Variants in PLCB1 observed in about 807,000 individuals in gnomAD.
PLCB1 encodes phospholipase C beta 1, also known as 1-phosphatidylinositol 4,5-bisphosphate phosphodiesterase beta-1.
A neutral mutation model predicts 161.8 loss-of-function variants in PLCB1; 46 were observed. That is an observed-to-expected ratio of 0.28 (90% CI 0.22 to 0.36). The LOEUF is 0.36. Ranked by LOEUF, PLCB1 falls within the 10% of genes least tolerant of loss-of-function variation. The pLI is 1.00. For synonymous variants in PLCB1, 517 were observed against 503.7 expected (o/e 1.03, Z -0.35); for missense variants, 1,016 against 1,472.5 (o/e 0.69, Z 5.07).
intron 24 of PLCB1, 79 bp from the exon 25 acceptor site, chr20:8,760,328 C>A (rs1981953260): frequency 2.5e-6 from 2 of 812,638 alleles, no homozygotes; most frequent in Non-Finnish European, 4.1e-6. Flanking sequence ...ATTCAAGGCC[C>A]AAATATGTTT....
chr20:8,397,528 C>A (rs1300894911), intron 3 of PLCB1, among the ~76,000 whole-genome samples: 1 of 152,094 alleles, frequency 6.6e-6, no homozygotes, highest in Non-Finnish European at 1.5e-5. Context: ...TTCCTACCCA[C>A]CTTCTGGTTT....
intron 2 of PLCB1, among the ~76,000 whole-genome samples, chr20:8,182,817 G>A (rs911406102): frequency 6.6e-6 from 1 of 151,942 alleles, no homozygotes; most frequent in East Asian, 1.9e-4. Flanking sequence ...TTAACCTGAA[G>A]CAATCCGCCC....
intron 2 of PLCB1, among the ~76,000 whole-genome samples, chr20:8,262,085 CAG>C (rs1487200876): frequency 2.6e-5 from 4 of 151,924 alleles, no homozygotes; most frequent in Non-Finnish European, 4.4e-5. Context: ...GTTTTTGAGA[CAG>C]AGTCTTGCTC....
chr20:8,400,515 G>A (rs73897435), intron 3 of PLCB1, among the ~76,000 whole-genome samples: 1 of 152,074 alleles, frequency 6.6e-6, no homozygotes. Context: ...ACTATTAAAG[G>A]TTATCTTATT....
intron 2 of PLCB1, among the ~76,000 whole-genome samples, chr20:8,260,959 C>T (rs1003681715): frequency 6.6e-6 from 1 of 152,008 alleles, no homozygotes; most frequent in African/African-American, 2.4e-5. Context: ...GGTCAGCGAC[C>T]GAAAAATGCA....
chr20:8,679,724 C>T (rs1033875750), intron 9 of PLCB1, among the ~76,000 whole-genome samples: 1 of 152,050 alleles, frequency 6.6e-6, no homozygotes, highest in African/African-American at 2.4e-5. Flanking sequence ...TTTTAAATGC[C>T]ATTATATGAG....
chr20:8,593,700 A>C (rs1460397030), intron 3 of PLCB1, among the ~76,000 whole-genome samples: 1 of 151,864 alleles, frequency 6.6e-6, no homozygotes, highest in African/African-American at 2.4e-5. Flanking sequence ...TATAAGTAAC[A>C]GTGATAGTAA....
At chr20:8,681,611 A>G (rs959715888) in intron 9 of PLCB1, among the ~76,000 whole-genome samples, 6 of 152,172 alleles carry the variant, frequency 3.9e-5, no homozygotes, top group Non-Finnish European at 1.5e-5. Context: ...CCAGTTTTCC[A>G]TACCCTGTGA....
intron 31 of PLCB1, among the ~76,000 whole-genome samples, chr20:8,793,682 TCACAGGAC>T (rs921059163): frequency 6.6e-5 from 10 of 152,254 alleles, no homozygotes; most frequent in East Asian, 3.9e-4. Flanking sequence ...CAGGGCGAGA[TCACAGGAC>T]CACAGGACCA....
Position 8,740,436 on chromosome 20 carries a change from G to T in PLCB1, c.2401G>T (p.Asp801Tyr). 1 of 1,577,148 alleles carries T rather than the reference G, an allele frequency of 6.3e-7. No homozygotes were observed. The highest frequency in any genetic ancestry group is 8.6e-7 in the Non-Finnish European group (1 of 1,160,716). Residue 801 changes from aspartate (D) to tyrosine (Y), a missense_variant, in exon 22 of 32, where the codon GAC (aspartate) becomes TAC (tyrosine). By Grantham distance (160) the Asp-to-Tyr change is radical (BLOSUM62 -3). Transcript: ENST00000338037. Reference protein sequence around the residue: ...VYIEVKDYVPDTYADVIEALS... With the variant: ...VYIEVKDYVPYTYADVIEALS... Reference sequence around the variant, plus strand: ...CATAGAAGTGAAAGACTATGTGCCAGACACATATGCAGGTAAACAACTTAA... The same window carrying T: ...CATAGAAGTGAAAGACTATGTGCCATACACATATGCAGGTAAACAACTTAA...
chr20:8,540,882 T>C (rs918132954), intron 3 of PLCB1, among the ~76,000 whole-genome samples: 4 of 152,154 alleles, frequency 2.6e-5, no homozygotes, highest in Non-Finnish European at 5.9e-5. Context: ...AAGCCAGTGA[T>C]TTAGAGCCCT....
intron 2 of PLCB1, among the ~76,000 whole-genome samples, chr20:8,184,769 T>TTTATTG (rs2051882882): frequency 7.0e-6 from 1 of 141,916 alleles, no homozygotes; most frequent in African/African-American, 2.6e-5. Flanking sequence ...TGGCAATACC[T>TTTATTG]TTATTATTAT....
At chr20:8,268,837 A>AT (rs66948763) in intron 2 of PLCB1, among the ~76,000 whole-genome samples, 37,180 of 151,160 alleles carry the variant, frequency 0.25, 4,657 homozygotes, top group Non-Finnish European at 0.28. Context: ...TTCTCTATGT[A>AT]TTTTTTTTAA....
chr20:8,843,020 G>A (rs914531706), intron 31 of PLCB1, among the ~76,000 whole-genome samples: 1 of 152,174 alleles, frequency 6.6e-6, no homozygotes, highest in Non-Finnish European at 1.5e-5. Flanking sequence ...AAATATAAAA[G>A]AGAAAAATTT....
chr20:8,644,684 G>A (rs1171989900), intron 4 of PLCB1, among the ~76,000 whole-genome samples: 63 of 148,500 alleles, frequency 4.2e-4, no homozygotes, highest in South Asian at 8.8e-4. Flanking sequence ...CCCGGCAGCC[G>A]CCCCGTCCGG....
chr20:8,235,967 A>G (rs572131674), intron 2 of PLCB1, among the ~76,000 whole-genome samples: 65 of 152,258 alleles, frequency 4.3e-4, no homozygotes, highest in Middle Eastern at 3.4e-3. Flanking sequence ...TAGAAGCACT[A>G]TATTTCTGGA....
In PLCB1 at chr20:8,416,993, A is replaced by G. The variant is rs188544143; in HGVS notation, c.246+45543A>G. ...ACAGAGTCGCTTCAGCTGTAAACAC[A>G]TATATATGTAGTTTTAAATACATAT... On this transcript the variant is annotated intron_variant, in intron 3 of 31. Transcript: ENST00000338037. 5.1e-4 allele frequency among the ~76,000 whole-genome samples: 75 copies of G among 146,706 alleles called. 1 individual carries two copies. The East Asian group carries it at 0.013, about 25-fold the overall frequency.
intron 26 of PLCB1, among the ~76,000 whole-genome samples, chr20:8,773,006 A>C (rs1982768960): frequency 6.6e-6 from 1 of 152,252 alleles, no homozygotes; most frequent in African/African-American, 2.4e-5. Context: ...GTTTCCCTCA[A>C]CACTGCAGTG....
intron 31 of PLCB1, among the ~76,000 whole-genome samples, chr20:8,835,622 A>G (rs1986249918): frequency 6.6e-6 from 1 of 152,128 alleles, no homozygotes; most frequent in South Asian, 2.1e-4. Context: ...TGGACTCTTG[A>G]GTAGGGCTGT....
Sources: gnomAD v4.1 joint callset for allele counts (sites outside exome capture counted in the v4.1 genomes callset) on GRCh38, gnomAD v4.1.1 for gene constraint, MANE v1.5 for transcripts, NCBI Gene and HGNC (gene_info 2026-07-23, HGNC 2026-07-21) for gene names.